The following NRBP2 variants were observed in gnomAD, a reference collection of about 807,000 sequenced individuals.
The protein encoded by NRBP2 is nuclear receptor binding protein 2.
In NRBP2, 47 loss-of-function variants were observed where a neutral mutation model predicts 74.4. That is an observed-to-expected ratio of 0.63 (90% CI 0.50 to 0.81). The LOEUF (loss-of-function observed/expected upper bound fraction) is 0.81. NRBP2 is among the 30% of genes least tolerant of loss of function. The pLI, the probability that NRBP2 is intolerant of heterozygous loss-of-function variation, is 0.00. For missense variants in NRBP2, 613 were observed against 690.1 expected (o/e 0.89, Z 1.25); for synonymous variants, 312 against 273.8 (o/e 1.14, Z -1.38).
rs782510332 is a variant in NRBP2 at position 143,839,503 on chromosome 8, C to T, written c.485+6G>A. 4.0e-5 allele frequency: 61 copies of T among 1,532,700 alleles called. No individual in the cohort carries two copies. Among genetic ancestry groups the T allele is most frequent in the Non-Finnish European group, 4.9e-5 (56 of 1,145,756 alleles). The allele number at this position is 1,532,700 out of a possible 1,614,324, so 94.9% of individuals were successfully genotyped here. ...GCGCCGCGCCCAGGCCAGCCCAGGC[C>T]CTCACCTGAGCGCAGACAGGATCTG... is the stretch of plus-strand genomic sequence containing the variant. On this transcript the variant is annotated splice_donor_region_variant and intron_variant, in intron 5 of 17. Transcript: ENST00000442628. The surrounding 1 kb of genome is among the most constrained non-coding windows in gnomAD (Gnocchi z 5.1).
In NRBP2 at chr8:143,840,333, C is replaced by T; in HGVS notation, c.130-104G>A. The T allele has an allele frequency of 7.0e-7, 1 of 1,431,752 alleles. No individual in the cohort carries two copies. The highest frequency in any genetic ancestry group is 9.3e-7 in the Non-Finnish European group (1 of 1,069,524). The allele number at this position is 1,431,752 out of a possible 1,614,324, so 88.7% of individuals were successfully genotyped here. A position where few individuals can be genotyped will look rare whatever the true frequency, so the allele number is the denominator to read the frequency against. ...TTCCAGTGGGCCCAAGCGTGGGCTG[C>T]AGGCCCTGAGCCACTCTGCGGGAAG... On this transcript the variant is annotated intron_variant, in intron 1 of 17. Coordinates refer to ENST00000442628, the MANE Select transcript of NRBP2 (RefSeq NM_178564.4). The surrounding 1 kb of genome is among the most constrained non-coding windows in gnomAD (Gnocchi z 5.7).
At position 143,839,657 on chromosome 8, in the gene NRBP2, C is replaced by A; in HGVS notation, c.444+79G>T. ...CCAGCCCCTGTCCGAGGCCGCCGGG[C>A]ACCCCCTCACCATCCCAGTCCCCGA... On this transcript the variant is annotated intron_variant, in intron 4 of 17. Transcript: ENST00000442628. This position sits in a 1 kb window ranked among gnomAD's most constrained non-coding sequence, Gnocchi z 5.1. 1 of 1,519,208 alleles carries A rather than the reference C, an allele frequency of 6.6e-7. No individual in the cohort carries two copies. The highest frequency in any genetic ancestry group is 8.8e-7 in the Non-Finnish European group (1 of 1,137,500). 94.1% of individuals were successfully genotyped at this position (1,519,208 alleles called of 1,614,324 possible).
Position 143,839,929 on chromosome 8 carries a change from C to G in NRBP2, c.354G>C (p.Arg118Ser). 1 of 1,536,100 alleles carries G rather than the reference C, an allele frequency of 6.5e-7. No individual in the cohort carries two copies. Among genetic ancestry groups the G allele is most frequent in the Non-Finnish European group, 8.7e-7 (1 of 1,146,838 alleles). ...YWLDTSEACA[R>S]VIFITEYVSS... ...TGCCCGGGGCCTTGCCCGTGCTCAC[C>G]CTCGCGCAGGCCTCAGAGGTATCCA... The change falls in exon 3 of 18, where the codon AGG becomes AGC. Residue 118 changes from arginine (R) to serine (S), a missense_variant and splice_region_variant. Physicochemically the swap from Arg to Ser is moderately radical, Grantham distance 110. Transcript: ENST00000442628. This position sits in a 1 kb window ranked among gnomAD's most constrained non-coding sequence, Gnocchi z 5.1.
rs1371553212 is a variant in NRBP2, at chr8:143,833,986, TAGTA to T, written c.*1672_*1675del. The T allele has an allele frequency of 4.6e-5, 7 of 152,258 alleles. No individual in the cohort carries two copies. Among genetic ancestry groups the T allele is most frequent in the Admixed American group, 1.3e-4 (2 of 15,286 alleles). 9.4% of individuals were successfully genotyped at this position (152,258 alleles called of 1,614,324 possible). ...TACCTTTAATTTATTTGATATGCGT[TAGTA>T]AGTCTTGCTTTGGTTTTTGGCTTTT... On this transcript the variant is annotated 3_prime_UTR_variant, in exon 18 of 18. Transcript: ENST00000442628.
chr8:143,837,978 C>G lies in NRBP2; in HGVS notation c.841-223G>C, dbSNP rs1396798309. 2 of 707,790 alleles carry G rather than the reference C, an allele frequency of 2.8e-6. No individual in the cohort carries two copies. The highest frequency in any genetic ancestry group is 3.5e-5 in the African/African-American group (2 of 57,280). 43.8% of individuals were successfully genotyped at this position (707,790 alleles called of 1,614,324 possible). A position where few individuals can be genotyped will look rare whatever the true frequency, so the allele number is the denominator to read the frequency against. ...TCTGGGATTGGAGCACCATGCTCTG[C>G]TTCCCTCGACCCCCAAAAAATCGTG... On this transcript the variant is annotated intron_variant, in intron 10 of 17. Transcript: ENST00000442628. The surrounding 1 kb of genome is among the most constrained non-coding windows in gnomAD (Gnocchi z 4.3).
chr8:143,839,625 T>C lies in NRBP2; in HGVS notation c.445-76A>G, dbSNP rs1554653101. 6 of 1,507,292 alleles carry C rather than the reference T, an allele frequency of 4.0e-6. No homozygotes were observed. Among genetic ancestry groups the C allele is most frequent in the South Asian group, 3.8e-5 (3 of 79,994 alleles). 93.4% of individuals were successfully genotyped at this position (1,507,292 alleles called of 1,614,324 possible). A position where few individuals can be genotyped will look rare whatever the true frequency, so the allele number is the denominator to read the frequency against. On this transcript the variant is annotated intron_variant, in intron 4 of 17. Coordinates refer to ENST00000442628, the MANE Select transcript of NRBP2 (RefSeq NM_178564.4). This position sits in a 1 kb window ranked among gnomAD's most constrained non-coding sequence, Gnocchi z 5.1. ...CTGGGCCTGCGGAGCCCGCCCCGCA[T>C]CCTCGCCCAGCCCCTGTCCGAGGCC...
chr8:143,837,780 G>C lies in NRBP2; in HGVS notation c.841-25C>G, dbSNP rs565917774. On this transcript the variant is annotated intron_variant, in intron 10 of 17. Transcript: ENST00000442628. This position sits in a 1 kb window ranked among gnomAD's most constrained non-coding sequence, Gnocchi z 4.3. The stretch of plus-strand genomic sequence containing the variant: ...CCTGGGGCACAGGGAGGAGAGGCTG[G>C]TGGTGTGCAAGGGCTCTCTGCTCTG... 6.4e-6 allele frequency: 10 copies of C among 1,555,020 alleles called. No homozygotes were observed. In the East Asian group the frequency reaches 2.4e-4, roughly 37 times the overall value.
Position 143,834,312 on chromosome 8 carries a change from T to C in NRBP2, c.*1350A>G, listed in dbSNP as rs1554650915. ...GGAGGGGGCCAAGAGCCAAGGAATG[T>C]AGGCAGCCTCTACAAGCTGGAAGTG... On this transcript the variant is annotated 3_prime_UTR_variant, in exon 18 of 18. Transcript: ENST00000442628. 6.6e-6 allele frequency: 1 copy of C among 152,196 alleles called. No individual in the cohort carries two copies. Among genetic ancestry groups the C allele is most frequent in the African/African-American group, 2.4e-5 (1 of 41,438 alleles). The allele number at this position is 152,196 out of a possible 1,614,324, so 9.4% of individuals were successfully genotyped here.
chr8:143,835,943 G>C lies in NRBP2; in HGVS notation c.1381+24C>G. The C allele has an allele frequency of 6.3e-7, 1 of 1,591,782 alleles. No homozygotes were observed. The highest frequency in any genetic ancestry group is 8.5e-7 in the Non-Finnish European group (1 of 1,173,410). ...CCGCCGCCTGGGGTCACCGCCCGCC[G>C]CCCAAGTCCCCTGCCCAGCCTACTT... On this transcript the variant is annotated intron_variant, in intron 16 of 17. Coordinates refer to ENST00000442628, the MANE Select transcript of NRBP2 (RefSeq NM_178564.4). The surrounding 1 kb of genome is among the most constrained non-coding windows in gnomAD (Gnocchi z 4.9).
Position 143,833,831 on chromosome 8 carries a change from AG to A in NRBP2, c.*1830del, listed in dbSNP as rs1554650766. The A allele has an allele frequency of 6.6e-6, 1 of 152,252 alleles. No homozygotes were observed. Among genetic ancestry groups the A allele is most frequent in the Admixed American group, 6.5e-5 (1 of 15,288 alleles). 9.4% of individuals were successfully genotyped at this position (152,252 alleles called of 1,614,324 possible). A position where few individuals can be genotyped will look rare whatever the true frequency, so the allele number is the denominator to read the frequency against. The stretch of plus-strand genomic sequence containing the variant: ...AGAACCATGCATAATCAGACAGTTT[AG>A]CATGAGGGTTTCCATCTAGGATATG... On this transcript the variant is annotated 3_prime_UTR_variant, in exon 18 of 18. Transcript: ENST00000442628.
chr8:143,832,875 C>T, downstream of NRBP2, among the ~76,000 whole-genome samples: 1 of 152,212 alleles, frequency 6.6e-6, no homozygotes. Flanking sequence ...ATACTTTTGT[C>T]TCTGTGTCTT....
At position 143,839,935 on chromosome 8, in the gene NRBP2, G is replaced by A. The variant is rs1245176374; in HGVS notation, c.348C>T (p.Cys116=). The part of the protein sequence containing the change: ...HKYWLDTSEA[C]ARVIFITEYV... ...GGGCCTTGCCCGTGCTCACCCTCGC[G>A]CAGGCCTCAGAGGTATCCAGCCAGT... Residue 116 remains cysteine, a synonymous_variant, in exon 3 of 18, where the codon TGC becomes TGT. Transcript: ENST00000442628. This position sits in a 1 kb window ranked among gnomAD's most constrained non-coding sequence, Gnocchi z 5.1. 2.6e-6 allele frequency: 4 copies of A among 1,536,048 alleles called. No individual in the cohort carries two copies. Among genetic ancestry groups the A allele is most frequent in the South Asian group, 1.2e-5 (1 of 84,060 alleles).
In NRBP2 at chr8:143,837,224, C is replaced by G. The variant is rs57612733; in HGVS notation, c.1127+25G>C. 4,262 of 1,613,858 alleles carry G rather than the reference C, an allele frequency of 2.6e-3. 100 individuals are homozygous for G. The African/African-American group carries it at 0.049, about 18-fold the overall frequency. On this transcript the variant is annotated intron_variant, in intron 13 of 17. Coordinates refer to ENST00000442628, the MANE Select transcript of NRBP2 (RefSeq NM_178564.4). This position sits in a 1 kb window ranked among gnomAD's most constrained non-coding sequence, Gnocchi z 4.3. ...GGGTTCAGGCCTGACAGCTGCCTGG[C>G]CCCCAACCTTACATCAGTTCTCACC... is the stretch of plus-strand genomic sequence containing the variant.
chr8:143,833,518 A>G (rs1818235946), downstream of NRBP2: 2 of 152,186 alleles, frequency 1.3e-5, no homozygotes, highest in Non-Finnish European at 2.9e-5. Context: ...CAGGACTAAA[A>G]GCATGCTCAT....
chr8:143,830,284 C>G (rs1818097664), downstream of NRBP2, among the ~76,000 whole-genome samples: 1 of 152,250 alleles, frequency 6.6e-6, no homozygotes, highest in Non-Finnish European at 1.5e-5. Context: ...CTACTCCAGC[C>G]CACTTGGCTA....
rs1818335175 is a variant in NRBP2, at chr8:143,835,736, G to T, written c.1438-6C>A. On this transcript the variant is annotated splice_region_variant and splice_polypyrimidine_tract_variant and intron_variant, in intron 17 of 17. Transcript: ENST00000442628. The surrounding 1 kb of genome is among the most constrained non-coding windows in gnomAD (Gnocchi z 4.9). The stretch of plus-strand genomic sequence containing the variant: ...GCCAGCTTCATCCGGTCGTCCTGCG[G>T]AAGGAGGGAGGCATGGGGGACGGAG... 5 of 1,598,166 alleles carry T rather than the reference G, an allele frequency of 3.1e-6. No individual in the cohort carries two copies. The highest frequency in any genetic ancestry group is 1.3e-5 in the African/African-American group (1 of 74,230).
At position 143,837,922 on chromosome 8, in the gene NRBP2, C is replaced by T. The variant is rs782777318; in HGVS notation, c.841-167G>A. 2.6e-4 allele frequency: 211 copies of T among 823,430 alleles called. 2 individuals are homozygous for T. The South Asian group carries it at 3.0e-3, about 12-fold the overall frequency. The allele number at this position is 823,430 out of a possible 1,614,324, so 51.0% of individuals were successfully genotyped here. ...CCCAGCAGCAGCAGCCAGGCCAGGA[C>T]CTGGTCCTCTGAGCTTGAGGACAGC... On this transcript the variant is annotated intron_variant, in intron 10 of 17. Transcript: ENST00000442628. The surrounding 1 kb of genome is among the most constrained non-coding windows in gnomAD (Gnocchi z 4.3).
Position 143,835,531 on chromosome 8 carries a change from G to T in NRBP2, c.*131C>A, listed in dbSNP as rs781793615. The T allele has an allele frequency of 2.5e-6, 2 of 792,990 alleles. No individual in the cohort carries two copies. Among genetic ancestry groups the T allele is most frequent in the Non-Finnish European group, 4.0e-6 (2 of 493,982 alleles). 49.1% of individuals were successfully genotyped at this position (792,990 alleles called of 1,614,324 possible). ...TCAGCCCCACTCTCAGGAGACGGGG[G>T]GTTCCTTCACTACCGGGGCCTTTGT... is the stretch of plus-strand genomic sequence containing the variant. On this transcript the variant is annotated 3_prime_UTR_variant, in exon 18 of 18. Coordinates refer to ENST00000442628, the MANE Select transcript of NRBP2 (RefSeq NM_178564.4). This position sits in a 1 kb window ranked among gnomAD's most constrained non-coding sequence, Gnocchi z 4.9.
downstream of NRBP2, chr8:143,833,270 T>C (rs1039260826): frequency 6.6e-6 from 1 of 151,996 alleles, no homozygotes; most frequent in African/African-American, 2.4e-5. Flanking sequence ...TATAGAAAAC[T>C]AGGCAAACCA....
Sources: allele counts gnomAD v4.1 joint callset (sites outside exome capture counted in the v4.1 genomes callset), GRCh38; gene constraint gnomAD v4.1.1; non-coding constraint Gnocchi (gnomAD v3.1); transcripts MANE v1.5; gene names NCBI Gene and HGNC (gene_info 2026-07-23, HGNC 2026-07-21).